Variants in NEGR1 observed in about 807,000 individuals in gnomAD.
NEGR1 encodes neuronal growth regulator 1, also known as IgLON family member 4.
A neutral mutation model predicts 40.9 loss-of-function variants in NEGR1; 10 were observed. The observed-to-expected ratio is 0.24, with a 90% CI of 0.15 to 0.42. NEGR1 has a LOEUF of 0.42. Ranked by LOEUF, NEGR1 falls within the 10% of genes least tolerant of loss-of-function variation. NEGR1 has a pLI of 1.00. For missense variants in NEGR1, 352 were observed against 438.9 expected (o/e 0.80, Z 1.77); for synonymous variants, 185 against 166.8 (o/e 1.11, Z -0.84).
At chr1:71,652,836 G>C (rs1173098225) in intron 4 of NEGR1, among the ~76,000 whole-genome samples, 2 of 151,924 alleles carry the variant, frequency 1.3e-5, no homozygotes, top group African/African-American at 2.4e-5. Context: ...TGCATTCCAG[G>C]CTGGGTGAGA....
intron 2 of NEGR1, among the ~76,000 whole-genome samples, chr1:71,820,269 G>A (rs955693149): frequency 6.6e-5 from 10 of 151,892 alleles, no homozygotes; most frequent in African/African-American, 2.4e-4. Context: ...AAGATTGAGG[G>A]CAGTCACAGC....
At chr1:72,168,354 CT>C (rs556864597) in intron 1 of NEGR1, among the ~76,000 whole-genome samples, 1 of 150,650 alleles carries the variant, frequency 6.6e-6, no homozygotes, top group South Asian at 2.1e-4. Context: ...AGAGCCAGTC[CT>C]TTTTTTTTCA....
At chr1:72,007,800 TTTCAGTTCTTTA>T (rs1361844704) in intron 1 of NEGR1, among the ~76,000 whole-genome samples, 2 of 152,176 alleles carry the variant, frequency 1.3e-5, no homozygotes, top group African/African-American at 2.4e-5. Flanking sequence ...TTGCAAATAA[TTTCAGTTCTTTA>T]TTCATTAAGT....
intron 2 of NEGR1, among the ~76,000 whole-genome samples, chr1:71,837,829 T>C (rs1324101548): frequency 6.6e-6 from 1 of 152,154 alleles, no homozygotes; most frequent in Non-Finnish European, 1.5e-5. Context: ...GGTACTCACC[T>C]AATTAGAACA....
At chr1:71,435,829 A>G (rs1050970443) in intron 6 of NEGR1, among the ~76,000 whole-genome samples, 8 of 152,232 alleles carry the variant, frequency 5.3e-5, no homozygotes, top group Non-Finnish European at 7.3e-5. Context: ...CCCATAAGGA[A>G]CTACTTTTTA....
rs1378148412 is a variant in NEGR1, at chr1:71,906,460, T to C, written c.409+28619A>G. 3.7e-4 allele frequency among the ~76,000 whole-genome samples: 55 copies of C among 150,550 alleles called. 1 individual carries two copies. The highest frequency in any genetic ancestry group is 3.6e-3 in the Admixed American group (55 of 15,146). The stretch of plus-strand genomic sequence containing the variant: ...TATATAAAGATGAGAATATGAATAA[T>C]TTCCCTGGCCAAGGATTAAAAAAAA... On this transcript the variant is annotated intron_variant, in intron 2 of 6. Transcript: ENST00000357731.
intron 1 of NEGR1, among the ~76,000 whole-genome samples, chr1:71,950,142 C>A (rs567227904): frequency 6.6e-6 from 1 of 151,880 alleles, no homozygotes; most frequent in South Asian, 2.1e-4. Context: ...TTTCATGATC[C>A]AAACATGGTC....
chr1:71,606,440 C>T (rs915821792), intron 5 of NEGR1, among the ~76,000 whole-genome samples: 8 of 152,198 alleles, frequency 5.3e-5, no homozygotes, highest in African/African-American at 1.9e-4. Context: ...CCAAACTGCT[C>T]CTGGATTCCT....
At chr1:71,666,423 C>G (rs1652243403) in intron 4 of NEGR1, among the ~76,000 whole-genome samples, 1 of 152,026 alleles carries the variant, frequency 6.6e-6, no homozygotes, top group South Asian at 2.1e-4. Flanking sequence ...GTTTTAGAAG[C>G]TAAAGCATAG....
At chr1:72,125,410 G>A (rs1282932666) in intron 1 of NEGR1, among the ~76,000 whole-genome samples, 1 of 151,870 alleles carries the variant, frequency 6.6e-6, no homozygotes, top group Non-Finnish European at 1.5e-5. Context: ...ATTACTTATA[G>A]TATGCCACGC....
chr1:71,515,673 G>A (rs1158423818), intron 6 of NEGR1, among the ~76,000 whole-genome samples: 23 of 127,898 alleles, frequency 1.8e-4, no homozygotes, highest in Admixed American at 1.7e-3. Flanking sequence ...GAACTAATGA[G>A]CAAAATAACC....
chr1:72,061,452 A>G (rs1385466392), intron 1 of NEGR1, among the ~76,000 whole-genome samples: 1 of 151,772 alleles, frequency 6.6e-6, no homozygotes, highest in Admixed American at 6.6e-5. Context: ...GAATCATTAC[A>G]TTTTCTGATA....
chr1:71,862,750 A>G lies in NEGR1; in HGVS notation c.409+72329T>C, dbSNP rs183704862. ...TTACAAGGGACTTAAACAAATTTAT[A>G]ACAAAAAAACAAACAACACCATTAA... is the stretch of plus-strand genomic sequence containing the variant. On this transcript the variant is annotated intron_variant, in intron 2 of 6. Coordinates refer to ENST00000357731, the MANE Select transcript of NEGR1 (RefSeq NM_173808.3). 2.4e-4 allele frequency among the ~76,000 whole-genome samples: 37 copies of G among 152,248 alleles called. No homozygotes were observed. The East Asian group carries it at 7.1e-3, about 29-fold the overall frequency.
chr1:71,415,338 C>T (rs1465603210), intron 6 of NEGR1, among the ~76,000 whole-genome samples: 2 of 152,026 alleles, frequency 1.3e-5, no homozygotes, highest in East Asian at 3.9e-4. Context: ...CCAACTTATT[C>T]TTAGCGACTA....
intron 1 of NEGR1, among the ~76,000 whole-genome samples, chr1:71,941,106 AC>A (rs1645955021): frequency 6.6e-6 from 1 of 152,222 alleles, no homozygotes; most frequent in Non-Finnish European, 1.5e-5. Context: ...GAAGAGACTT[AC>A]CAGCTACCTT....
chr1:72,235,240 G>A (rs1050870218), intron 1 of NEGR1, among the ~76,000 whole-genome samples: 3 of 152,082 alleles, frequency 2.0e-5, no homozygotes, highest in Non-Finnish European at 4.4e-5. Flanking sequence ...AAGCACAGAC[G>A]TCCTTGGGAT....
At position 71,407,818 on chromosome 1, in the gene NEGR1, G is replaced by A. The variant is rs1569836028; in HGVS notation, c.941-248C>T. 8 of 401,676 alleles carry A rather than the reference G, an allele frequency of 2.0e-5. No individual in the cohort carries two copies. The East Asian group carries it at 3.1e-4, about 16-fold the overall frequency. The allele number at this position is 401,676 out of a possible 1,614,324, so 24.9% of individuals were successfully genotyped here. A position where few individuals can be genotyped will look rare whatever the true frequency, so the allele number is the denominator to read the frequency against. On this transcript the variant is annotated intron_variant, in intron 6 of 6. Transcript: ENST00000357731. ...AGAATCCACCTCACAGGGCTGTGGTGAGAATTGGAGATGAAGCACATACAG... is the reference window on the plus strand; with the variant it reads ...AGAATCCACCTCACAGGGCTGTGGTAAGAATTGGAGATGAAGCACATACAG...
chr1:71,628,932 C>A (rs985230175), intron 4 of NEGR1, among the ~76,000 whole-genome samples: 11 of 152,018 alleles, frequency 7.2e-5, no homozygotes, highest in African/African-American at 1.9e-4. Context: ...ATACACCTAG[C>A]AATTGGATCG....
At chr1:71,690,245 T>G (rs759363224) in intron 4 of NEGR1, among the ~76,000 whole-genome samples, 2 of 152,000 alleles carry the variant, frequency 1.3e-5, no homozygotes, top group East Asian at 3.8e-4. Context: ...AATTCAGTAT[T>G]GTTCATTCTA....
Sources: gnomAD v4.1 joint callset for allele counts (sites outside exome capture counted in the v4.1 genomes callset) on GRCh38, gnomAD v4.1.1 for gene constraint, MANE v1.5 for transcripts, NCBI Gene and HGNC (gene_info 2026-07-23, HGNC 2026-07-21) for gene names.